The following IMPG1 variants were observed in gnomAD, a reference collection of about 807,000 sequenced individuals.
IMPG1 encodes interphotoreceptor matrix proteoglycan of 150 kDa.
IMPG1 carries 85 observed loss-of-function variants against 92.0 expected under a neutral mutation model. The observed-to-expected ratio is 0.92, with a 90% confidence interval of 0.78 to 1.11. The LOEUF (loss-of-function observed/expected upper bound fraction) is 1.11, where lower values mean the gene tolerates loss of function less well. Ranked by LOEUF, IMPG1 falls within the 50% of genes least tolerant of loss-of-function variation. The pLI, the probability that IMPG1 is intolerant of heterozygous loss-of-function variation, is 0.00. For missense variants in IMPG1, 1,022 were observed against 956.0 expected (o/e 1.07, Z -0.91); for synonymous variants, 367 against 334.1 (o/e 1.10, Z -1.08).
At chr6:75,996,099 T>A (rs1782897009) in intron 12 of IMPG1, among the ~76,000 whole-genome samples, 1 of 152,240 alleles carries the variant, frequency 6.6e-6, no homozygotes, top group Non-Finnish European at 1.5e-5. Context: ...TGCTTGAATC[T>A]GTGGCCTACA....
At chr6:75,973,552 A>G (rs1474509274) in intron 12 of IMPG1, among the ~76,000 whole-genome samples, 1 of 152,224 alleles carries the variant, frequency 6.6e-6, no homozygotes, top group Non-Finnish European at 1.5e-5. Context: ...AATCTTCACA[A>G]GAACCCTATG....
At chr6:75,976,262 G>A (rs558128388) in intron 12 of IMPG1, among the ~76,000 whole-genome samples, 5 of 152,308 alleles carry the variant, frequency 3.3e-5, no homozygotes, top group East Asian at 1.9e-4. Context: ...TTTGGAGACC[G>A]TGAATCAAAA....
intron 14 of IMPG1, among the ~76,000 whole-genome samples, chr6:75,938,494 C>T (rs1781784668): frequency 6.6e-6 from 1 of 152,178 alleles, no homozygotes; most frequent in Admixed American, 6.5e-5. Flanking sequence ...CCTGTAAATA[C>T]AATAAAATTG....
In IMPG1 at chr6:75,995,037, C is replaced by T. The variant is rs188010791; in HGVS notation, c.1291+7881G>A. Among the ~76,000 whole-genome samples the T allele has an allele frequency of 3.2e-3, 486 of 152,322 alleles. 2 individuals carry two copies. Among genetic ancestry groups the T allele is most frequent in the African/African-American group, 0.011 (455 of 41,576 alleles). On this transcript the variant is annotated intron_variant, in intron 12 of 16. Coordinates refer to ENST00000369950, the MANE Select transcript of IMPG1 (RefSeq NM_001563.4). Reference sequence around the variant, plus strand: ...ACAGAAACTGCAGACACATATATTACCACTTTCTGTTAATGAGCCTGTACA... The same window carrying T: ...ACAGAAACTGCAGACACATATATTATCACTTTCTGTTAATGAGCCTGTACA...
At chr6:76,060,799 A>G (rs920965113) in intron 1 of IMPG1, among the ~76,000 whole-genome samples, 3 of 152,130 alleles carry the variant, frequency 2.0e-5, no homozygotes, top group African/African-American at 7.2e-5. Flanking sequence ...GGCGGTGTGG[A>G]TGGAGACCTC....
intron 7 of IMPG1, among the ~76,000 whole-genome samples, chr6:76,013,547 C>G (rs1384552411): frequency 6.6e-6 from 1 of 152,102 alleles, no homozygotes; most frequent in Admixed American, 6.6e-5. Flanking sequence ...TATTTCTTCT[C>G]TCTACTACTC....
chr6:76,010,975 C>A (rs571196595), intron 8 of IMPG1, among the ~76,000 whole-genome samples, 191 bp downstream of exon 8: 10 of 152,274 alleles, frequency 6.6e-5, no homozygotes, highest in African/African-American at 2.4e-4. Context: ...TCCTGTGTTA[C>A]CCCTTAAGAA....
intron 5 of IMPG1, 41 bp downstream of exon 5, chr6:76,025,153 G>T (rs767324809): frequency 5.9e-5 from 67 of 1,141,014 alleles, no homozygotes; most frequent in Non-Finnish European, 1.4e-5. Context: ...ATGATGATTT[G>T]AATGAAAGTT....
rs559751006 is a variant in IMPG1, at chr6:75,978,129, T to TTATATACAAA, written c.1291+24779_1291+24788dup. Among the ~76,000 whole-genome samples the TTATATACAAA allele has an allele frequency of 2.6e-3, 401 of 152,210 alleles. 1 individual carries two copies. The highest frequency in any genetic ancestry group is 9.2e-3 in the African/African-American group (383 of 41,540). On this transcript the variant is annotated intron_variant, in intron 12 of 16. Transcript: ENST00000369950. ...TTAGTAAATATTATAAATATTTACA[T>TTATATACAAA]TATATACAAATTTATATTTCCCACA...
intron 12 of IMPG1, among the ~76,000 whole-genome samples, chr6:75,979,732 T>A (rs1296578049): frequency 6.6e-6 from 1 of 152,188 alleles, no homozygotes; most frequent in African/African-American, 2.4e-5. Context: ...GAAAATTACA[T>A]CAGGGATATT....
intron 7 of IMPG1, among the ~76,000 whole-genome samples, chr6:76,015,759 C>A (rs1392095289): frequency 7.5e-6 from 1 of 132,694 alleles, no homozygotes; most frequent in African/African-American, 2.8e-5. Flanking sequence ...GAGATGGCAC[C>A]ATTGCACTCC....
intron 7 of IMPG1, among the ~76,000 whole-genome samples, chr6:76,015,549 C>T (rs976886616): frequency 4.6e-5 from 7 of 152,050 alleles, no homozygotes; most frequent in African/African-American, 1.4e-4. Flanking sequence ...GCCTGTAATC[C>T]CAGCACTTTG....
At chr6:75,942,875 C>T (rs1316274672) in intron 14 of IMPG1, among the ~76,000 whole-genome samples, 1 of 152,122 alleles carries the variant, frequency 6.6e-6, no homozygotes, top group Non-Finnish European at 1.5e-5. Flanking sequence ...TATGTATTTC[C>T]TCAGACTAAA....
Position 75,947,463 on chromosome 6 carries a change from C to T in IMPG1, c.1895G>A (p.Ser632Asn). The T allele has an allele frequency of 6.2e-7, 1 of 1,613,818 alleles. No homozygotes were observed. Among genetic ancestry groups the T allele is most frequent in the Non-Finnish European group, 8.5e-7 (1 of 1,179,822 alleles). Residue 632 changes from serine to asparagine, a missense_variant, in exon 14 of 17, where the codon AGT (serine) becomes AAT (asparagine). Physicochemically the swap from Ser to Asn is conservative, Grantham distance 46 (BLOSUM62 1). This residue lies in a region of IMPG1 where 332 missense variants were observed against 346.2 expected (regional missense o/e 0.96). Transcript: ENST00000369950. ...CTTCATTTTGCTATTCACAATCACA[C>T]TCCCGTTTCTGAAGTTAAGTATTTC... ...QLEILNFRNG[S>N]VIVNSKMKFA...
At chr6:75,924,533 TA>T (rs1781493748) in intron 15 of IMPG1, among the ~76,000 whole-genome samples, 3 of 66,384 alleles carry the variant, frequency 4.5e-5, no homozygotes, top group African/African-American at 1.2e-4. Context: ...TATATTATAA[TA>T]TAATTATATA....
At chr6:76,034,555 C>T (rs1386632049) in intron 3 of IMPG1, 66 bp downstream of exon 3, 9 of 1,545,554 alleles carry the variant, frequency 5.8e-6, no homozygotes, top group Non-Finnish European at 7.1e-6. Context: ...TTCAAAAGGC[C>T]TAGGGGCTGG....
At chr6:75,924,667 A>ATATATAATATATATTATATATAATT (rs376659354) in intron 15 of IMPG1, among the ~76,000 whole-genome samples, 1 of 8,008 alleles carries the variant, frequency 1.2e-4, no homozygotes, top group Non-Finnish European at 2.2e-4. Flanking sequence ...AATATATAAT[A>ATATATAATATATATTATATATAATT]AATTATATAT....
At chr6:76,062,055 C>T (rs1264812997) in intron 1 of IMPG1, among the ~76,000 whole-genome samples, 1 of 152,194 alleles carries the variant, frequency 6.6e-6, no homozygotes, top group Non-Finnish European at 1.5e-5. Context: ...CTGTATCTAG[C>T]ACAGTATTGG....
chr6:75,981,846 A>G (rs1386319914), intron 12 of IMPG1, among the ~76,000 whole-genome samples: 1 of 152,226 alleles, frequency 6.6e-6, no homozygotes, highest in Non-Finnish European at 1.5e-5. Context: ...TAGAAGCATC[A>G]ACTTTTTGGG....
Sources: allele counts gnomAD v4.1 joint callset (sites outside exome capture counted in the v4.1 genomes callset), GRCh38; gene constraint gnomAD v4.1.1; regional missense constraint gnomAD v4.1.1; transcripts MANE v1.5; gene names NCBI Gene and HGNC (gene_info 2026-07-23, HGNC 2026-07-21).